The following SAMD3 variants were observed in gnomAD, a reference collection of about 807,000 sequenced individuals.
The protein encoded by SAMD3 is sterile alpha motif domain-containing protein 3.
SAMD3 carries 63 observed loss-of-function variants against 58.5 expected under a neutral mutation model. The ratio of observed to expected loss-of-function variants is 1.08; its 90% CI spans 0.88 to 1.33. The LOEUF is 1.33. Among genes scored for constraint, SAMD3 ranks in the 40% most tolerant of loss-of-function variants. The pLI, the probability that SAMD3 is intolerant of heterozygous loss-of-function variation, is 0.00. For synonymous variants in SAMD3, 220 were observed against 210.3 expected, an observed-to-expected ratio of 1.05 and a Z score of -0.40; for missense variants, 604 against 608.4, an observed-to-expected ratio of 0.99 and a Z score of 0.08.
chr6:130,278,895 A>G (rs12210502), intron 2 of SAMD3, among the ~76,000 whole-genome samples: 50,938 of 152,000 alleles, frequency 0.34, 8,780 homozygotes, highest in East Asian at 0.47. Flanking sequence ...TACTGTAGTT[A>G]CATAGACGGT....
chr6:130,228,676 G>A (rs1562469033), intron 2 of SAMD3, among the ~76,000 whole-genome samples: 1 of 152,238 alleles, frequency 6.6e-6, no homozygotes. Flanking sequence ...AAGGAAAGAT[G>A]TTTTCACGCA....
intron 7 of SAMD3, among the ~76,000 whole-genome samples, chr6:130,182,395 C>T (rs907321770): frequency 7.9e-5 from 12 of 152,118 alleles, no homozygotes; most frequent in African/African-American, 2.9e-4. Context: ...TATCATTTTT[C>T]CAGACATGGT....
chr6:130,275,755 C>G (rs902821271), intron 2 of SAMD3, among the ~76,000 whole-genome samples: 1 of 151,934 alleles, frequency 6.6e-6, no homozygotes, highest in Non-Finnish European at 1.5e-5. Flanking sequence ...ACATTATTTT[C>G]TTCTTTGTAT....
At chr6:130,204,797 G>A (rs1794945459) in intron 5 of SAMD3, among the ~76,000 whole-genome samples, 1 of 148,630 alleles carries the variant, frequency 6.7e-6, no homozygotes, top group Non-Finnish European at 1.5e-5. Flanking sequence ...GCACACAATC[G>A]GGATGGAATG....
Position 130,214,420 on chromosome 6 carries a change from T to A in SAMD3, c.186A>T (p.Lys62Asn), listed in dbSNP as rs768461972. ...HQAVLMDLIK[K>N]YKQNTQGLKS... ...TCAGTCCTTGAGTGTTCTGCTTGTA[T>A]TTTTTAATTAAATCCATCAGAACAG... is the stretch of plus-strand genomic sequence containing the variant. The change falls in exon 4 of 12, where the codon AAA (lysine) becomes AAT (asparagine). Residue 62 changes from lysine to asparagine, a missense_variant. Physicochemically the swap from Lys to Asn is moderately conservative, Grantham distance 94. Coordinates refer to ENST00000439090, the MANE Select transcript of SAMD3 (RefSeq NM_001017373.4). 6.2e-7 allele frequency: 1 copy of A among 1,613,414 alleles called. No homozygotes were observed. Among genetic ancestry groups the A allele is most frequent in the Admixed American group, 1.7e-5 (1 of 59,940 alleles).
upstream of SAMD3, among the ~76,000 whole-genome samples, chr6:130,224,748 A>G (rs952875513): frequency 2.0e-5 from 3 of 151,818 alleles, no homozygotes; most frequent in African/African-American, 4.8e-5. Context: ...CCTCCTGAGT[A>G]TCTGGGACTA....
chr6:130,286,851 A>G (rs114939205), intron 2 of SAMD3, among the ~76,000 whole-genome samples: 2,158 of 152,258 alleles, frequency 0.014, 53 homozygotes, highest in African/African-American at 0.045. Flanking sequence ...AGCTGACTAG[A>G]GGTGCACACA....
At chr6:130,169,571 C>T (rs946276918) in intron 8 of SAMD3, among the ~76,000 whole-genome samples, 1 of 152,170 alleles carries the variant, frequency 6.6e-6, no homozygotes, top group African/African-American at 2.4e-5. Context: ...AATTCCATTA[C>T]CATTTAACTG....
At chr6:130,363,842 G>A (rs1011135045) in intron 1 of SAMD3, among the ~76,000 whole-genome samples, 8 of 152,172 alleles carry the variant, frequency 5.3e-5, no homozygotes, top group Non-Finnish European at 7.4e-5. Flanking sequence ...ACTTGATGGC[G>A]AGAAGTAGAA....
chr6:130,230,300 A>G (rs1484968080), intron 2 of SAMD3, among the ~76,000 whole-genome samples: 1 of 152,014 alleles, frequency 6.6e-6, no homozygotes, highest in East Asian at 1.9e-4. Context: ...GGGCAGGGGG[A>G]CTTTTTTGTG....
At position 130,185,167 on chromosome 6, in the gene SAMD3, C is replaced by T. The variant is rs564504595; in HGVS notation, c.384-544G>A. ...TAAGTAACAGATATTCCGATTCTAT[C>T]CAGATGAAATTTCTATGAAGGGCTA... On this transcript the variant is annotated intron_variant, in intron 5 of 11. Transcript: ENST00000439090. Among the ~76,000 whole-genome samples, 17 of 152,198 alleles carry T rather than the reference C, an allele frequency of 1.1e-4. 1 individual carries two copies. The highest frequency in any genetic ancestry group is 3.9e-4 in the African/African-American group (16 of 41,520).
At chr6:130,163,559 C>T (rs894684014) in intron 8 of SAMD3, among the ~76,000 whole-genome samples, 1 of 152,172 alleles carries the variant, frequency 6.6e-6, no homozygotes, top group Non-Finnish European at 1.5e-5. Context: ...TGTAAAACTT[C>T]GCAGTATTAG....
At chr6:130,249,566 A>G (rs1773671573) in intron 2 of SAMD3, among the ~76,000 whole-genome samples, 1 of 152,184 alleles carries the variant, frequency 6.6e-6, no homozygotes, top group Non-Finnish European at 1.5e-5. Flanking sequence ...ATTCTATTAT[A>G]CAGAATTAAG....
At chr6:130,274,083 G>T (rs1774684915) in intron 2 of SAMD3, among the ~76,000 whole-genome samples, 1 of 152,040 alleles carries the variant, frequency 6.6e-6, no homozygotes, top group East Asian at 1.9e-4. Flanking sequence ...TGATAATAAG[G>T]TATTCCCTCA....
chr6:130,230,544 T>C (rs55939811), intron 2 of SAMD3, among the ~76,000 whole-genome samples: 21,564 of 151,966 alleles, frequency 0.14, 1,730 homozygotes, highest in East Asian at 0.35. Context: ...CCCGCCACCA[T>C]GCCCAGCACA....
rs374722333 is a variant in SAMD3, at chr6:130,181,798, A to G, written c.654+2305T>C. ...ATTTATACCCTTTTGTAGTTTTTGA[A>G]TTTTGAGCTATGTAAATATGTAATT... On this transcript the variant is annotated intron_variant, in intron 7 of 11. Coordinates refer to ENST00000439090, the MANE Select transcript of SAMD3 (RefSeq NM_001017373.4). 1.3e-4 allele frequency among the ~76,000 whole-genome samples: 20 copies of G among 152,226 alleles called. 1 individual carries two copies. Among genetic ancestry groups the G allele is most frequent in the Admixed American group, 3.3e-4 (5 of 15,288 alleles).
chr6:130,183,489 A>G, intron 7 of SAMD3: 1 of 416,844 alleles, frequency 2.4e-6, no homozygotes. Flanking sequence ...ACTGGGTCTG[A>G]GAAGGCAAGA....
intron 4 of SAMD3, among the ~76,000 whole-genome samples, chr6:130,210,946 C>A (rs980951992): frequency 6.6e-6 from 1 of 151,982 alleles, no homozygotes; most frequent in Non-Finnish European, 1.5e-5. Context: ...TGATGAAACC[C>A]TGTCTCTACT....
intron 7 of SAMD3, among the ~76,000 whole-genome samples, chr6:130,181,995 G>A (rs934223117): frequency 1.3e-5 from 2 of 151,598 alleles, no homozygotes; most frequent in South Asian, 2.1e-4. Flanking sequence ...AACCCATGAG[G>A]CGGAGCTTGC....
Sources: allele counts gnomAD v4.1 joint callset (sites outside exome capture counted in the v4.1 genomes callset), GRCh38; gene constraint gnomAD v4.1.1; transcripts MANE v1.5; gene names NCBI Gene and HGNC (gene_info 2026-07-23, HGNC 2026-07-21).